Variants in CHST11 observed in about 807,000 individuals in gnomAD.
CHST11 encodes carbohydrate sulfotransferase 11, also known as C4S-1.
In CHST11, 9 loss-of-function variants were observed where a neutral mutation model predicts 30.4. The observed-to-expected ratio is 0.30, with a 90% CI of 0.18 to 0.52. CHST11 has a LOEUF of 0.52. Among genes scored for constraint, CHST11 ranks in the 20% least tolerant of loss-of-function variants. CHST11 has a pLI of 0.97. For synonymous variants in CHST11, 152 were observed against 187.8 expected, an observed-to-expected ratio of 0.81 and a Z score of 1.56; for missense variants, 348 against 460.6, an observed-to-expected ratio of 0.76 and a Z score of 2.24.
intron 2 of CHST11, among the ~76,000 whole-genome samples, chr12:104,617,522 C>T (rs1328383024): frequency 6.6e-6 from 1 of 152,126 alleles, no homozygotes; most frequent in African/African-American, 2.4e-5. Context: ...CCCCTACGTC[C>T]TGAGTTCAAA....
chr12:104,553,674 A>AT (rs1273274576), intron 1 of CHST11, among the ~76,000 whole-genome samples: 1 of 152,114 alleles, frequency 6.6e-6, no homozygotes, highest in East Asian at 1.9e-4. Context: ...TGAGAACAGC[A>AT]TGGGGGGAAA....
chr12:104,711,621 A>G (rs1353061381), intron 2 of CHST11, among the ~76,000 whole-genome samples: 1 of 152,166 alleles, frequency 6.6e-6, no homozygotes, highest in Non-Finnish European at 1.5e-5. Context: ...GTGCACTGAC[A>G]TTTTTTTAAG....
chr12:104,711,463 A>G (rs1218022636), intron 2 of CHST11, among the ~76,000 whole-genome samples: 1 of 152,192 alleles, frequency 6.6e-6, no homozygotes, highest in Non-Finnish European at 1.5e-5. Flanking sequence ...ATAAACAGCC[A>G]GGCTCATTTT....
At chr12:104,748,577 C>G (rs1398978621) in intron 2 of CHST11, among the ~76,000 whole-genome samples, 1 of 150,794 alleles carries the variant, frequency 6.6e-6, no homozygotes, top group African/African-American at 2.5e-5. Flanking sequence ...GAGGAAGAGA[C>G]ACCTGGGGAG....
chr12:104,748,826 C>A (rs1014037932), intron 2 of CHST11, among the ~76,000 whole-genome samples: 7 of 152,172 alleles, frequency 4.6e-5, no homozygotes, highest in African/African-American at 1.4e-4. Flanking sequence ...GCCTGTCAGA[C>A]CTGCTGAGTC....
intron 1 of CHST11, among the ~76,000 whole-genome samples, chr12:104,509,252 T>C (rs958294424): frequency 1.3e-5 from 2 of 152,234 alleles, no homozygotes; most frequent in Non-Finnish European, 2.9e-5. Context: ...GCCATCCATG[T>C]AAGATGTCAC....
chr12:104,579,413 G>A (rs930021087), intron 1 of CHST11, among the ~76,000 whole-genome samples: 2 of 152,152 alleles, frequency 1.3e-5, no homozygotes, highest in South Asian at 2.1e-4. Flanking sequence ...AGATGCCAGC[G>A]ATTGATCTTG....
At chr12:104,558,506 G>C (rs1173645969) in intron 1 of CHST11, among the ~76,000 whole-genome samples, 2 of 147,164 alleles carry the variant, frequency 1.4e-5, no homozygotes, top group South Asian at 4.3e-4. Context: ...TAATTCTGTT[G>C]ACTATTGTCA....
chr12:104,706,627 C>T (rs2040038544), intron 2 of CHST11, among the ~76,000 whole-genome samples: 1 of 152,142 alleles, frequency 6.6e-6, no homozygotes, highest in South Asian at 2.1e-4. Context: ...CCTTGAATGA[C>T]TTTGGGGGCA....
At chr12:104,477,442 CAT>C (rs1390116103) in intron 1 of CHST11, among the ~76,000 whole-genome samples, 7 of 152,148 alleles carry the variant, frequency 4.6e-5, no homozygotes, top group Admixed American at 3.9e-4. Context: ...GGAGGAAAAA[CAT>C]ATGGAGAAAC....
At chr12:104,537,935 A>G (rs949292330) in intron 1 of CHST11, among the ~76,000 whole-genome samples, 1 of 152,048 alleles carries the variant, frequency 6.6e-6, no homozygotes, top group Non-Finnish European at 1.5e-5. Context: ...AGCTCAAGCG[A>G]TCCTCCCACC....
At chr12:104,596,426 T>C (rs989468253) in intron 1 of CHST11, among the ~76,000 whole-genome samples, 17 of 152,284 alleles carry the variant, frequency 1.1e-4, no homozygotes, top group African/African-American at 4.1e-4. Context: ...GGTGATTTAG[T>C]ACAGCAGTGC....
chr12:104,701,428 C>G (rs184579731), intron 2 of CHST11, among the ~76,000 whole-genome samples: 5 of 152,308 alleles, frequency 3.3e-5, no homozygotes, highest in African/African-American at 9.6e-5. Context: ...GAGCCCCAGA[C>G]TGACCATAGG....
intron 1 of CHST11, among the ~76,000 whole-genome samples, chr12:104,463,543 G>A (rs61937670): frequency 0.11 from 17,067 of 152,158 alleles, 1,198 homozygotes; most frequent in East Asian, 0.34. Context: ...TGGCACTGGA[G>A]ATGTAACACA....
intron 1 of CHST11, among the ~76,000 whole-genome samples, chr12:104,556,561 TC>T (rs1032072183): frequency 6.6e-6 from 1 of 152,212 alleles, no homozygotes; most frequent in Non-Finnish European, 1.5e-5. Flanking sequence ...TCGTTGGCAA[TC>T]CTTGGTGTTC....
At chr12:104,513,128 G>GGGC (rs2037984085) in intron 1 of CHST11, among the ~76,000 whole-genome samples, 1 of 82,070 alleles carries the variant, frequency 1.2e-5, no homozygotes, top group Non-Finnish European at 2.5e-5. Context: ...ATGACTGGGG[G>GGGC]GGGGGGGGGT....
At chr12:104,488,436 CATGT>C (rs79068245) in intron 1 of CHST11, among the ~76,000 whole-genome samples, 3 of 143,466 alleles carry the variant, frequency 2.1e-5, no homozygotes, top group Non-Finnish European at 4.6e-5. Context: ...TATGTGTATG[CATGT>C]ATGTATGTGT....
At chr12:104,543,616 AG>A (rs1361779387) in intron 1 of CHST11, among the ~76,000 whole-genome samples, 3 of 152,034 alleles carry the variant, frequency 2.0e-5, no homozygotes, top group Non-Finnish European at 4.4e-5. Flanking sequence ...GTATAAGTTG[AG>A]GGAAATTAAT....
chr12:104,733,856 G>T (rs1317935330), intron 2 of CHST11, among the ~76,000 whole-genome samples: 1 of 152,228 alleles, frequency 6.6e-6, no homozygotes, highest in Admixed American at 6.5e-5. Context: ...GGAGGAGTTG[G>T]GTGATGGGTC....
Sources: allele counts gnomAD v4.1 joint callset (sites outside exome capture counted in the v4.1 genomes callset), GRCh38; gene constraint gnomAD v4.1.1; transcripts MANE v1.5; gene names NCBI Gene and HGNC (gene_info 2026-07-23, HGNC 2026-07-21).